Variants in SLC35F4 observed in about 807,000 individuals in gnomAD.
SLC35F4 encodes the protein chromosome 14 open reading frame 36.
A neutral mutation model predicts 44.2 loss-of-function variants in SLC35F4; 24 were observed. The observed-to-expected ratio is 0.54, with a 90% CI of 0.39 to 0.76. SLC35F4 has a LOEUF of 0.76. Among genes scored for constraint, SLC35F4 ranks in the 30% least tolerant of loss-of-function variants. The pLI, the probability that SLC35F4 is intolerant of heterozygous loss-of-function variation, is 0.00. For missense variants in SLC35F4, 562 were observed against 586.1 expected (o/e 0.96, Z 0.42); for synonymous variants, 238 against 223.6 (o/e 1.06, Z -0.57).
chr14:57,934,301 G>C (rs935332946), intron 1 of SLC35F4, among the ~76,000 whole-genome samples: 13 of 149,768 alleles, frequency 8.7e-5, no homozygotes, highest in Non-Finnish European at 1.9e-4. Context: ...GTGGAGAGTG[G>C]TTAATAAATT....
intron 1 of SLC35F4, among the ~76,000 whole-genome samples, chr14:57,839,831 A>G (rs906564668): frequency 6.6e-6 from 1 of 152,148 alleles, no homozygotes; most frequent in Non-Finnish European, 1.5e-5. Context: ...AGGCATCTGT[A>G]TTTTTTAAAT....
chr14:57,915,526 T>A (rs1889310131), intron 1 of SLC35F4, among the ~76,000 whole-genome samples: 1 of 152,238 alleles, frequency 6.6e-6, no homozygotes, highest in Non-Finnish European at 1.5e-5. Context: ...CTATATGTGG[T>A]TAAAAGTAGC....
chr14:57,675,831 T>C (rs927961378), intron 1 of SLC35F4, among the ~76,000 whole-genome samples: 4 of 152,072 alleles, frequency 2.6e-5, no homozygotes, highest in Admixed American at 2.0e-4. Context: ...GACTTGTGTA[T>C]AAAGACTTAA....
chr14:57,961,952 G>A (rs1318217633), intron 1 of SLC35F4, among the ~76,000 whole-genome samples: 4 of 152,280 alleles, frequency 2.6e-5, no homozygotes, highest in East Asian at 1.9e-4. Flanking sequence ...CCTCCTGAGA[G>A]ACTGAATTAC....
At chr14:57,957,328 A>C (rs1594652730) in intron 1 of SLC35F4, among the ~76,000 whole-genome samples, 1 of 151,956 alleles carries the variant, frequency 6.6e-6, no homozygotes, top group South Asian at 2.1e-4. Context: ...TAGGAGAAAT[A>C]CCTAACGTAG....
chr14:57,909,734 G>A (rs1165974571), intron 1 of SLC35F4, among the ~76,000 whole-genome samples: 1 of 152,004 alleles, frequency 6.6e-6, no homozygotes, highest in African/African-American at 2.4e-5. Flanking sequence ...GGGATATGTT[G>A]GTTGCTTCCA....
At chr14:57,968,657 G>A (rs1328890418) in intron 1 of SLC35F4, among the ~76,000 whole-genome samples, 3 of 152,142 alleles carry the variant, frequency 2.0e-5, no homozygotes, top group Non-Finnish European at 4.4e-5. Flanking sequence ...TAGACTTGGT[G>A]AATCAGAAAC....
intron 1 of SLC35F4, among the ~76,000 whole-genome samples, chr14:57,906,605 G>C (rs1388893858): frequency 6.6e-6 from 1 of 152,096 alleles, no homozygotes; most frequent in African/African-American, 2.4e-5. Context: ...GGGATTGCTG[G>C]ATTAAAAAGT....
At chr14:57,765,112 T>C (rs1287435523) in intron 1 of SLC35F4, among the ~76,000 whole-genome samples, 1 of 137,234 alleles carries the variant, frequency 7.3e-6, no homozygotes. Flanking sequence ...GGAACTATGA[T>C]TATAAATGGA....
intron 1 of SLC35F4, among the ~76,000 whole-genome samples, chr14:57,839,443 G>C (rs1041493303): frequency 6.6e-6 from 1 of 152,178 alleles, no homozygotes; most frequent in East Asian, 1.9e-4. Flanking sequence ...GACATAGATG[G>C]AGCTGGAAGC....
At chr14:57,657,887 T>G (rs2074017320) in intron 1 of SLC35F4, among the ~76,000 whole-genome samples, 1 of 152,210 alleles carries the variant, frequency 6.6e-6, no homozygotes, top group African/African-American at 2.4e-5. Context: ...ACTGATATTA[T>G]AGTGGTATAA....
chr14:57,904,670 A>G (rs1370404009), intron 1 of SLC35F4, among the ~76,000 whole-genome samples: 1 of 152,152 alleles, frequency 6.6e-6, no homozygotes, highest in Non-Finnish European at 1.5e-5. Flanking sequence ...TTTTACATGT[A>G]TCATCTTCAA....
intron 1 of SLC35F4, among the ~76,000 whole-genome samples, chr14:57,820,880 C>G (rs1452807471): frequency 6.6e-6 from 1 of 152,168 alleles, no homozygotes; most frequent in Non-Finnish European, 1.5e-5. Context: ...TGGCTGATTT[C>G]TAATCATGCC....
intron 1 of SLC35F4, among the ~76,000 whole-genome samples, chr14:57,678,119 G>C (rs988038538): frequency 7.9e-5 from 12 of 152,066 alleles, no homozygotes; most frequent in Non-Finnish European, 1.8e-4. Flanking sequence ...AGGGCAGCAA[G>C]AGAGAATGGT....
intron 1 of SLC35F4, among the ~76,000 whole-genome samples, chr14:57,938,178 T>C (rs1166852909): frequency 6.6e-6 from 1 of 152,072 alleles, no homozygotes; most frequent in Admixed American, 6.5e-5. Flanking sequence ...TCCTAGGACA[T>C]AGGCAGACAC....
intron 1 of SLC35F4, among the ~76,000 whole-genome samples, chr14:57,943,312 C>T (rs112615710): frequency 1.6e-4 from 25 of 152,272 alleles, no homozygotes; most frequent in South Asian, 6.2e-4. Context: ...TGTTTACTGA[C>T]GGCTCAGCAA....
chr14:57,620,668 A>G (rs996080306), intron 1 of SLC35F4, among the ~76,000 whole-genome samples: 9 of 152,078 alleles, frequency 5.9e-5, no homozygotes, highest in Non-Finnish European at 1.2e-4. Flanking sequence ...TTTGTCATAG[A>G]TAGCTCTTAT....
intron 1 of SLC35F4, among the ~76,000 whole-genome samples, chr14:57,898,649 A>G (rs1300620612): frequency 6.6e-6 from 1 of 152,220 alleles, no homozygotes; most frequent in Non-Finnish European, 1.5e-5. Flanking sequence ...CAGCTACTCA[A>G]TTTGCATGTC....
chr14:57,968,959 T>C (rs768900737), intron 1 of SLC35F4, among the ~76,000 whole-genome samples: 2 of 152,214 alleles, frequency 1.3e-5, no homozygotes, highest in African/African-American at 2.4e-5. Flanking sequence ...AACTCAAATA[T>C]GTTATCTAAC....
Sources: gnomAD v4.1 joint callset for allele counts (sites outside exome capture counted in the v4.1 genomes callset) on GRCh38, gnomAD v4.1.1 for gene constraint, MANE v1.5 for transcripts, NCBI Gene and HGNC (gene_info 2026-07-23, HGNC 2026-07-21) for gene names.